The following AASDH variants were observed in gnomAD, a reference collection of about 807,000 sequenced individuals.
AASDH encodes beta-alanine-activating enzyme.
A neutral mutation model predicts 102.3 loss-of-function variants in AASDH; 81 were observed. That is an observed-to-expected ratio of 0.79 (90% CI 0.66 to 0.95). The LOEUF is 0.95. Among genes scored for constraint, AASDH ranks in the 40% least tolerant of loss-of-function variants. The pLI, the probability that AASDH is intolerant of heterozygous loss-of-function variation, is 0.00. For synonymous variants in AASDH, 398 were observed against 454.0 expected (o/e 0.88, Z 1.57); for missense variants, 1,203 against 1,266.2 (o/e 0.95, Z 0.76).
chr4:56,352,462 C>G (rs1749123927), intron 9 of AASDH, among the ~76,000 whole-genome samples: 1 of 152,100 alleles, frequency 6.6e-6, no homozygotes, highest in Non-Finnish European at 1.5e-5. Context: ...GGCGCAACCT[C>G]GGCTTACTGC....
At chr4:56,347,040 TAA>T (rs200094597) in intron 11 of AASDH, among the ~76,000 whole-genome samples, 28 of 133,478 alleles carry the variant, frequency 2.1e-4, no homozygotes, top group East Asian at 4.3e-4. Flanking sequence ...GACGCTGTCT[TAA>T]AAAAAAAAAA....
At chr4:56,363,188 C>A (rs1247397432) in intron 5 of AASDH, among the ~76,000 whole-genome samples, 1 of 152,224 alleles carries the variant, frequency 6.6e-6, no homozygotes, top group Non-Finnish European at 1.5e-5. Flanking sequence ...GGGCGCCCAC[C>A]ATCGCCGAGG....
At chr4:56,386,559 C>T (rs917942816) in intron 1 of AASDH, among the ~76,000 whole-genome samples, 1 of 150,414 alleles carries the variant, frequency 6.6e-6, no homozygotes, top group Non-Finnish European at 1.5e-5. Flanking sequence ...TTTGGGAGGC[C>T]GAGGCGGGTG....
At chr4:56,379,884 G>C (rs1752772949) in intron 3 of AASDH, among the ~76,000 whole-genome samples, 1 of 152,200 alleles carries the variant, frequency 6.6e-6, no homozygotes, top group African/African-American at 2.4e-5. Flanking sequence ...GAGGGAAAAG[G>C]TGAGGTGCGT....
chr4:56,387,165 C>T (rs1753666832), intron 1 of AASDH, among the ~76,000 whole-genome samples, 197 bp downstream of exon 1: 1 of 152,146 alleles, frequency 6.6e-6, no homozygotes, highest in South Asian at 2.1e-4. Flanking sequence ...GGGGCGGAGG[C>T]TAGTGACGCA....
chr4:56,378,208 C>T lies in AASDH; in HGVS notation c.608G>A (p.Gly203Glu), dbSNP rs139654016. ...AYVLHTSGTT[G>E]IPKIVRVPHK... ...AGGCACTCTGACAATCTTCGGTATCCCTGTAGTCCCTGATGTATGTAGAAC... is the reference window on the plus strand; with the variant it reads ...AGGCACTCTGACAATCTTCGGTATCTCTGTAGTCCCTGATGTATGTAGAAC... Residue 203 changes from glycine to glutamate, a missense_variant, in exon 4 of 15, where the codon GGG (glycine) becomes GAG (glutamate). Gly to Glu is a moderately conservative substitution (Grantham distance 98). Transcript: ENST00000205214. 210 of 1,613,662 alleles carry T rather than the reference C, an allele frequency of 1.3e-4. No individual in the cohort carries two copies. Among genetic ancestry groups the T allele is most frequent in the Non-Finnish European group, 1.6e-4 (189 of 1,179,936 alleles).
chr4:56,363,729 C>T (rs1446215264), intron 5 of AASDH, among the ~76,000 whole-genome samples: 7 of 152,070 alleles, frequency 4.6e-5, no homozygotes, highest in Non-Finnish European at 8.8e-5. Context: ...TGTACGTCAC[C>T]ATCATCAAAG....
intron 14 of AASDH, among the ~76,000 whole-genome samples, chr4:56,339,659 G>A (rs1450613641): frequency 6.7e-6 from 1 of 149,814 alleles, no homozygotes; most frequent in Non-Finnish European, 1.5e-5. Flanking sequence ...GCTGAGGTGG[G>A]AGAACCACTT....
intron 1 of AASDH, 138 bp from the exon 2 acceptor site, chr4:56,384,479 T>C (rs1388288465): frequency 1.6e-5 from 9 of 571,898 alleles, no homozygotes; most frequent in African/African-American, 1.3e-4. Flanking sequence ...TCTGAACTTA[T>C]GAAATTATGG....
intron 11 of AASDH, among the ~76,000 whole-genome samples, chr4:56,346,695 A>G (rs759378368): frequency 6.6e-6 from 1 of 152,224 alleles, no homozygotes; most frequent in Non-Finnish European, 1.5e-5. Flanking sequence ...TAAAAATGGG[A>G]AAAAGATTTC....
At chr4:56,360,354 C>T (rs1362672336) in intron 5 of AASDH, among the ~76,000 whole-genome samples, 2 of 152,130 alleles carry the variant, frequency 1.3e-5, no homozygotes, top group Non-Finnish European at 2.9e-5. Flanking sequence ...TGTAGGGCTC[C>T]CTACTGGCCT....
Position 56,349,569 on chromosome 4 carries a change from T to C in AASDH, c.2182A>G (p.Ile728Val). The change falls in exon 11 of 15, where the codon ATT (isoleucine) becomes GTT (valine). Residue 728 changes from isoleucine to valine, a missense_variant. Transcript: ENST00000205214. ...CAGGATGGATCTTTTGACTTCCCAA[T>C]AAGAACTGGAGAATTTAAGCCTTTC... The part of the protein sequence containing the change: ...NLKGLNSPVL[I>V]GKSKDPSCVA... 6.2e-7 allele frequency: 1 copy of C among 1,614,206 alleles called. No homozygotes were observed. Among genetic ancestry groups the C allele is most frequent in the Non-Finnish European group, 8.5e-7 (1 of 1,180,026 alleles).
At position 56,354,781 on chromosome 4, in the gene AASDH, T is replaced by C. The variant is rs978526579; in HGVS notation, c.1134A>G (p.Pro378=). 7.5e-6 allele frequency: 12 copies of C among 1,610,588 alleles called. No homozygotes were observed. Among genetic ancestry groups the C allele is most frequent in the Admixed American group, 5.1e-5 (3 of 59,376 alleles). ...KCELPVQLGF[P]LLGTVVEVRD... ...TGACTTCAACTACTGTTCCAAGAAG[T>C]GGAAATCCCAGTTGTACAGGCAATT... Residue 378 remains proline (P), a synonymous_variant, in exon 7 of 15, where the codon CCA becomes CCG. Transcript: ENST00000205214.
In AASDH at chr4:56,354,211, C is replaced by G; in HGVS notation, c.1211G>C (p.Gly404Ala). 1.3e-6 allele frequency: 2 copies of G among 1,560,030 alleles called. No individual in the cohort carries two copies. Among genetic ancestry groups the G allele is most frequent in the South Asian group, 2.5e-5 (2 of 78,988 alleles). The change falls in exon 8 of 15, where the codon GGT becomes GCT. Residue 404 changes from glycine to alanine, a missense_variant and splice_region_variant. By Grantham distance (60) the Gly-to-Ala change is moderately conservative. Coordinates refer to ENST00000205214, the MANE Select transcript of AASDH (RefSeq NM_181806.4). ...IQEGSGQVFL[G>A]GRNRVCFLDD... ...AAGAAAACACACTCTGTTTCTGCCA[C>G]CTTCCCAAGATATAAACACCAATGT...
Position 56,355,348 on chromosome 4 carries a change from G to T in AASDH, c.937C>A (p.Arg313=). 6.8e-6 allele frequency: 11 copies of T among 1,614,134 alleles called. No homozygotes were observed. Among genetic ancestry groups the T allele is most frequent in the Non-Finnish European group, 9.3e-6 (11 of 1,180,008 alleles). Reference sequence around the variant, plus strand: ...GCTTCACCACCAAGGGCTAATACTCGAAGAGAAGTAGTGGCTGACAAAACA... The same window carrying T: ...GCTTCACCACCAAGGGCTAATACTCTAAGAGAAGTAGTGGCTGACAAAACA... ...STVLSATTSL[R]VLALGGEAFP... The change falls in exon 6 of 15, where the codon CGA becomes AGA. Residue 313 remains arginine, a synonymous_variant. Transcript: ENST00000205214.
chr4:56,343,720 G>C (rs1747984455), intron 12 of AASDH, 36 bp from the exon 13 acceptor site: 1 of 1,581,958 alleles, frequency 6.3e-7, no homozygotes, highest in Non-Finnish European at 8.6e-7. Flanking sequence ...TGTTCTTGTT[G>C]ATGGTTAACA....
At chr4:56,365,627 C>T (rs1344668759) in intron 5 of AASDH, among the ~76,000 whole-genome samples, 1 of 151,996 alleles carries the variant, frequency 6.6e-6, no homozygotes, top group Non-Finnish European at 1.5e-5. Context: ...CTACTGGGTA[C>T]ATAATGAAAT....
intron 14 of AASDH, among the ~76,000 whole-genome samples, chr4:56,341,387 A>ATTTTTTTTTTTT (rs1560561026): frequency 4.8e-5 from 4 of 82,794 alleles, no homozygotes; most frequent in African/African-American, 8.5e-5. Context: ...GGAGACTTTT[A>ATTTTTTTTTTTT]TCTTTTTTTT....
At chr4:56,371,678 C>G in intron 4 of AASDH, 35 bp from the exon 5 acceptor site, 2 of 1,553,518 alleles carry the variant, frequency 1.3e-6, no homozygotes, top group Non-Finnish European at 1.7e-6. Flanking sequence ...TGAGAAACGT[C>G]AAACATTCAG....
Sources: allele counts gnomAD v4.1 joint callset (sites outside exome capture counted in the v4.1 genomes callset), GRCh38; gene constraint gnomAD v4.1.1; transcripts MANE v1.5; gene names NCBI Gene and HGNC (gene_info 2026-07-23, HGNC 2026-07-21).